Variants in HEG1 observed in about 807,000 individuals in gnomAD.
HEG1 encodes the protein heart development protein with EGF like domains 1.
HEG1 carries 56 observed loss-of-function variants against 125.6 expected under a neutral mutation model. The ratio of observed to expected loss-of-function variants is 0.45; its 90% CI spans 0.36 to 0.56. The LOEUF is 0.56. HEG1 is among the 20% of genes least tolerant of loss of function. HEG1 has a pLI of 0.00. For missense variants in HEG1, 1,523 were observed against 1,670.0 expected (o/e 0.91, Z 1.53); for synonymous variants, 644 against 668.5 (o/e 0.96, Z 0.57).
chr3:124,966,969 A>G lies in HEG1; in HGVS notation c.*3683T>C, dbSNP rs1430174892. The stretch of plus-strand genomic sequence containing the variant: ...GGTAGCCATCCAGCCTAGGAGTCCA[A>G]AGATGCTGCCTTCTCCCTTGGGCCC... On this transcript the variant is annotated 3_prime_UTR_variant, in exon 17 of 17. Coordinates refer to ENST00000311127, the MANE Select transcript of HEG1 (RefSeq NM_020733.2). 4 of 152,218 alleles carry G rather than the reference A, an allele frequency of 2.6e-5. No homozygotes were observed. The highest frequency in any genetic ancestry group is 5.9e-5 in the Non-Finnish European group (4 of 68,044). 9.4% of individuals were successfully genotyped at this position (152,218 alleles called of 1,614,324 possible).
intron 9 of HEG1, among the ~76,000 whole-genome samples, chr3:125,004,482 T>C (rs143213636): frequency 2.2e-4 from 33 of 152,244 alleles, no homozygotes; most frequent in African/African-American, 7.2e-4. Flanking sequence ...TAGTTGTTTC[T>C]GTTTTGGGGG....
At chr3:124,984,796 A>G (rs916104936) in intron 14 of HEG1, among the ~76,000 whole-genome samples, 4 of 152,112 alleles carry the variant, frequency 2.6e-5, no homozygotes, top group African/African-American at 9.7e-5. Flanking sequence ...ACCAAAAAAC[A>G]AAACAAAAAC....
intron 1 of HEG1, among the ~76,000 whole-genome samples, chr3:125,051,830 C>T (rs914397582): frequency 6.6e-6 from 1 of 152,194 alleles, no homozygotes; most frequent in Non-Finnish European, 1.5e-5. Flanking sequence ...TGTCTCTGGA[C>T]AAGGACAAGT....
In HEG1 at chr3:124,966,210, C is replaced by G. The variant is rs1012515386; in HGVS notation, c.*4442G>C. On this transcript the variant is annotated 3_prime_UTR_variant, in exon 17 of 17. Transcript: ENST00000311127. ...AGTGCATTTTAAAAATCTGAATATG[C>G]AAATTCTTCAAAATGTCCTCTTTGA... 6.6e-6 allele frequency: 1 copy of G among 152,156 alleles called. No homozygotes were observed. The highest frequency in any genetic ancestry group is 1.5e-5 in the Non-Finnish European group (1 of 68,018). 9.4% of individuals were successfully genotyped at this position (152,156 alleles called of 1,614,324 possible).
chr3:125,053,916 C>T (rs952734881), intron 1 of HEG1, among the ~76,000 whole-genome samples: 4 of 152,218 alleles, frequency 2.6e-5, no homozygotes, highest in African/African-American at 9.6e-5. Context: ...GAAAGAGACT[C>T]ATGTGCCTGC....
intron 10 of HEG1, 82 bp downstream of exon 10, chr3:125,002,175 G>A (rs1352037381): frequency 1.3e-5 from 20 of 1,507,038 alleles, no homozygotes; most frequent in Middle Eastern, 1.7e-4. Flanking sequence ...AAAACAGCCC[G>A]GTTTTGTTGC....
chr3:124,979,924 A>G (rs980806771), intron 14 of HEG1, among the ~76,000 whole-genome samples: 8 of 152,194 alleles, frequency 5.3e-5, no homozygotes. Context: ...CTATCCTTTT[A>G]TTTAAATAAA....
chr3:125,030,239 C>T (rs1346112396), intron 1 of HEG1, among the ~76,000 whole-genome samples: 1 of 152,186 alleles, frequency 6.6e-6, no homozygotes, highest in African/African-American at 2.4e-5. Flanking sequence ...CCTACTCTTG[C>T]AGGTGGGAGC....
At chr3:125,047,790 C>T (rs932808848) in intron 1 of HEG1, among the ~76,000 whole-genome samples, 19 of 152,208 alleles carry the variant, frequency 1.2e-4, no homozygotes, top group Non-Finnish European at 2.6e-4. Flanking sequence ...AGATGACAAG[C>T]AGGTGTCTCT....
Position 125,013,078 on chromosome 3 carries a change from T to C in HEG1, c.2501A>G (p.Asn834Ser). 3 of 1,613,972 alleles carry C rather than the reference T, an allele frequency of 1.9e-6. No homozygotes were observed. The highest frequency in any genetic ancestry group is 1.3e-5 in the African/African-American group (1 of 75,012). The stretch of plus-strand genomic sequence containing the variant: ...GAAAGTTGGAGACATTTGTGCTAAG[T>C]TGGTGCTTGTGGCTGGAAGGGTTTG... ...TEQTLPATSTNLAQMSPTFTT... is the reference protein window; with the variant it reads ...TEQTLPATSTSLAQMSPTFTT... Residue 834 changes from asparagine (N) to serine (S), a missense_variant, in exon 6 of 17, where the codon AAC (asparagine) becomes AGC (serine). By Grantham distance (46) the Asn-to-Ser change is conservative. Coordinates refer to ENST00000311127, the MANE Select transcript of HEG1 (RefSeq NM_020733.2).
At chr3:124,982,779 G>A (rs1046090951) in intron 14 of HEG1, among the ~76,000 whole-genome samples, 11 of 152,092 alleles carry the variant, frequency 7.2e-5, no homozygotes, top group African/African-American at 2.4e-4. Context: ...GGGCACACTC[G>A]GACATGTAAC....
chr3:125,046,288 C>T (rs776796025), intron 1 of HEG1, among the ~76,000 whole-genome samples: 4 of 151,872 alleles, frequency 2.6e-5, no homozygotes, highest in South Asian at 2.1e-4. Context: ...CAAAGAGGTC[C>T]CAATAAGACA....
chr3:124,983,868 T>A (rs1013346145), intron 14 of HEG1, among the ~76,000 whole-genome samples: 4 of 152,018 alleles, frequency 2.6e-5, no homozygotes, highest in Non-Finnish European at 5.9e-5. Flanking sequence ...AGCAGAAGGG[T>A]TGGGTACAGA....
chr3:125,021,476 T>C (rs1440139508), intron 3 of HEG1, among the ~76,000 whole-genome samples: 1 of 152,262 alleles, frequency 6.6e-6, no homozygotes, highest in African/African-American at 2.4e-5. Context: ...GCCACTGTGA[T>C]AAGGTTTTTG....
rs566642325 is a variant in HEG1 at position 124,978,388 on chromosome 3, C to T, written c.3734-442G>A. 1.7e-4 allele frequency among the ~76,000 whole-genome samples: 26 copies of T among 152,170 alleles called. No individual in the cohort carries two copies. In the South Asian group the frequency reaches 4.6e-3, roughly 27 times the overall value. The stretch of plus-strand genomic sequence containing the variant: ...GGTCTCAATCTCCTGACCTCTTGAT[C>T]CACCTGCCTCGGCCTCCCAAAGTTC... On this transcript the variant is annotated intron_variant, in intron 14 of 16. Transcript: ENST00000311127.
In HEG1 at chr3:125,010,048, G is replaced by T. The variant is rs369827900; in HGVS notation, c.3074-224C>A. Among the ~76,000 whole-genome samples, 29 of 152,284 alleles carry T rather than the reference G, an allele frequency of 1.9e-4. No homozygotes were observed. The South Asian group carries it at 5.8e-3, about 30-fold the overall frequency. On this transcript the variant is annotated intron_variant, in intron 7 of 16. Transcript: ENST00000311127. The stretch of plus-strand genomic sequence containing the variant: ...AATACAAGACAAGATTTGCATATAC[G>T]GGGGAAACAGCAAATTTTAATGGAG...
intron 5 of HEG1, among the ~76,000 whole-genome samples, chr3:125,018,276 C>T (rs551185477): frequency 1.1e-4 from 17 of 152,242 alleles, no homozygotes; most frequent in African/African-American, 2.9e-4. Flanking sequence ...CACAAAGGAC[C>T]ACATATTGTA....
At chr3:125,020,763 A>G (rs1368906947) in intron 4 of HEG1, 29 bp downstream of exon 4, 1 of 1,567,184 alleles carries the variant, frequency 6.4e-7, no homozygotes, top group East Asian at 2.2e-5. Flanking sequence ...AAATGTCCCT[A>G]ATAGATCAAG....
chr3:125,039,239 CTGTT>C (rs1937572686), intron 1 of HEG1, among the ~76,000 whole-genome samples: 1 of 152,136 alleles, frequency 6.6e-6, no homozygotes, highest in South Asian at 2.1e-4. Flanking sequence ...TCCAAAACAT[CTGTT>C]TGTGAACCAG....
Sources: gnomAD v4.1 joint callset for allele counts (sites outside exome capture counted in the v4.1 genomes callset) on GRCh38, gnomAD v4.1.1 for gene constraint, MANE v1.5 for transcripts, NCBI Gene and HGNC (gene_info 2026-07-23, HGNC 2026-07-21) for gene names.